Variants in DGKB observed in about 807,000 individuals in gnomAD.
The protein encoded by DGKB is 90 kDa diacylglycerol kinase.
In DGKB, 67 loss-of-function variants were observed where a neutral mutation model predicts 114.3. That is an observed-to-expected ratio of 0.59 (90% CI 0.48 to 0.72). The LOEUF (loss-of-function observed/expected upper bound fraction) is 0.72. DGKB is among the 30% of genes least tolerant of loss of function. The pLI, the probability that DGKB is intolerant of heterozygous loss-of-function variation, is 0.00. For synonymous variants in DGKB, 398 were observed against 323.1 expected (o/e 1.23, Z -2.49); for missense variants, 907 against 975.2 (o/e 0.93, Z 0.93).
chr7:14,330,427 T>C (rs566091249), intron 23 of DGKB, among the ~76,000 whole-genome samples: 10 of 152,120 alleles, frequency 6.6e-5, no homozygotes, highest in South Asian at 4.1e-4. Flanking sequence ...AATGAACAAA[T>C]TGATGATCAA....
chr7:14,910,497 G>C (rs1031585112), intron 1 of DGKB, among the ~76,000 whole-genome samples: 1 of 151,928 alleles, frequency 6.6e-6, no homozygotes, highest in South Asian at 2.1e-4. Flanking sequence ...TACCAAAATT[G>C]TTCATTTTAG....
At chr7:14,839,699 T>C (rs1847658253) in intron 2 of DGKB, among the ~76,000 whole-genome samples, 1 of 152,110 alleles carries the variant, frequency 6.6e-6, no homozygotes, top group Admixed American at 6.5e-5. Context: ...GATAAATGCA[T>C]ATATTGTACA....
intron 1 of DGKB, among the ~76,000 whole-genome samples, chr7:14,923,010 T>C (rs1784582389): frequency 6.6e-6 from 1 of 152,158 alleles, no homozygotes; most frequent in Non-Finnish European, 1.5e-5. Context: ...CCTTTCTCCA[T>C]CCCTCCTTTT....
intron 9 of DGKB, among the ~76,000 whole-genome samples, chr7:14,690,771 G>C (rs1285184905): frequency 6.6e-6 from 1 of 152,078 alleles, no homozygotes; most frequent in Non-Finnish European, 1.5e-5. Flanking sequence ...TCTATATAAA[G>C]TTATTCAACA....
chr7:14,177,554 C>CAAAAAAAAAAAAAAA (rs56019837), intron 24 of DGKB, among the ~76,000 whole-genome samples: 9 of 69,026 alleles, frequency 1.3e-4, no homozygotes, highest in Non-Finnish European at 8.0e-5. Flanking sequence ...AACTCCGTCT[C>CAAAAAAAAAAAAAAA]AAAAAAAAAA....
chr7:14,432,208 A>G (rs1220241716), intron 21 of DGKB, among the ~76,000 whole-genome samples: 2 of 152,160 alleles, frequency 1.3e-5, no homozygotes, highest in African/African-American at 4.8e-5. Flanking sequence ...TCAAATCAGA[A>G]ATATTTCCCT....
At chr7:14,938,879 T>G (rs1038707068) in intron 1 of DGKB, among the ~76,000 whole-genome samples, 1 of 152,168 alleles carries the variant, frequency 6.6e-6, no homozygotes, top group Non-Finnish European at 1.5e-5. Flanking sequence ...ATCCTGGTCC[T>G]ACCATGTAAT....
chr7:14,673,085 G>A, intron 12 of DGKB, 58 bp from the exon 13 acceptor site: 1 of 946,530 alleles, frequency 1.1e-6, no homozygotes, highest in Admixed American at 2.1e-5. Flanking sequence ...CTAACATGGG[G>A]GAGATTATAT....
chr7:14,879,649 T>C (rs1342296502), intron 1 of DGKB, among the ~76,000 whole-genome samples: 1 of 152,208 alleles, frequency 6.6e-6, no homozygotes, highest in East Asian at 1.9e-4. Context: ...AAAACCCTTT[T>C]CTTTGACCCA....
At chr7:14,652,708 C>G (rs930495017) in intron 13 of DGKB, among the ~76,000 whole-genome samples, 6 of 150,314 alleles carry the variant, frequency 4.0e-5, no homozygotes, top group African/African-American at 1.2e-4. Flanking sequence ...TCAGAGTGAA[C>G]AGGCAACCTA....
intron 1 of DGKB, among the ~76,000 whole-genome samples, chr7:14,915,102 C>T (rs527314332): frequency 6.6e-6 from 1 of 152,238 alleles, no homozygotes; most frequent in African/African-American, 2.4e-5. Context: ...CATGGTGGCT[C>T]ACACCTGTGA....
intron 23 of DGKB, among the ~76,000 whole-genome samples, chr7:14,311,593 C>G (rs6461082): frequency 4.0e-5 from 6 of 151,846 alleles, no homozygotes; most frequent in Admixed American, 1.3e-4. Context: ...TGGCGAACTT[C>G]TTTTGTGTTT....
At chr7:14,541,048 C>T (rs1454643158) in intron 20 of DGKB, among the ~76,000 whole-genome samples, 2 of 152,034 alleles carry the variant, frequency 1.3e-5, no homozygotes, top group Admixed American at 1.3e-4. Flanking sequence ...CCACAATGAT[C>T]CACTAGTAGC....
At chr7:14,516,597 G>A (rs1418128254) in intron 20 of DGKB, among the ~76,000 whole-genome samples, 1 of 152,094 alleles carries the variant, frequency 6.6e-6, no homozygotes, top group Admixed American at 6.5e-5. Flanking sequence ...AAGATGTGAG[G>A]GAAGTTATAT....
chr7:14,297,057 G>GTAAT (rs932658264), intron 23 of DGKB, among the ~76,000 whole-genome samples: 2 of 152,048 alleles, frequency 1.3e-5, no homozygotes, highest in East Asian at 3.9e-4. Context: ...AATTGAGACA[G>GTAAT]TAATTAATAA....
chr7:14,345,262 T>C (rs761246160), intron 22 of DGKB, 39 bp downstream of exon 22: 3 of 1,201,374 alleles, frequency 2.5e-6, no homozygotes, highest in African/African-American at 1.5e-5. Context: ...GCTCAAGCCA[T>C]TTCATCATAT....
intron 1 of DGKB, among the ~76,000 whole-genome samples, chr7:14,966,066 G>T (rs1182799616): frequency 1.3e-5 from 2 of 151,930 alleles, no homozygotes; most frequent in African/African-American, 4.8e-5. Context: ...AACTTAAAAT[G>T]TCTAAAATCT....
intron 21 of DGKB, among the ~76,000 whole-genome samples, chr7:14,414,020 ATTG>A (rs922163112): frequency 2.0e-5 from 3 of 152,194 alleles, no homozygotes; most frequent in African/African-American, 4.8e-5. Flanking sequence ...GTTTTAACAA[ATTG>A]TTGTACATTT....
chr7:14,578,900 C>A (rs544856855), intron 19 of DGKB, among the ~76,000 whole-genome samples: 3 of 152,228 alleles, frequency 2.0e-5, no homozygotes, highest in African/African-American at 7.2e-5. Context: ...TATCTGGCTC[C>A]CAATTGTCTT....
Sources: gnomAD v4.1 joint callset for allele counts (sites outside exome capture counted in the v4.1 genomes callset) on GRCh38, gnomAD v4.1.1 for gene constraint, MANE v1.5 for transcripts, NCBI Gene and HGNC (gene_info 2026-07-23, HGNC 2026-07-21) for gene names.